The following TNNI3K variants were observed in gnomAD, a reference collection of about 807,000 sequenced individuals.
TNNI3K encodes the protein TNNI3 interacting kinase.
In TNNI3K, 140 loss-of-function variants were observed where a neutral mutation model predicts 114.5. The observed-to-expected ratio is 1.22, with a 90% CI of 1.07 to 1.41. TNNI3K has a LOEUF of 1.41. Among genes scored for constraint, TNNI3K ranks in the 40% most tolerant of loss-of-function variants. The pLI is 0.00. For synonymous variants in TNNI3K, 347 were observed against 347.5 expected, an observed-to-expected ratio of 1.00 and a Z score of 0.02; for missense variants, 1,125 against 1,007.6, an observed-to-expected ratio of 1.12 and a Z score of -1.58.
At chr1:74,450,557 G>GA (rs947674572) in intron 20 of TNNI3K, among the ~76,000 whole-genome samples, 22 of 151,502 alleles carry the variant, frequency 1.5e-4, no homozygotes, top group Middle Eastern at 3.4e-3. Context: ...AAATTTACAT[G>GA]AAAAAAAACC....
chr1:74,497,284 C>T (rs947057878), intron 23 of TNNI3K, among the ~76,000 whole-genome samples: 1 of 152,108 alleles, frequency 6.6e-6, no homozygotes, highest in Admixed American at 6.6e-5. Context: ...TACCAGATAA[C>T]AGTGGCCATG....
At chr1:74,239,943 G>A (rs1272887621) in intron 2 of TNNI3K, 1 of 469,968 alleles carries the variant, frequency 2.1e-6, no homozygotes, top group East Asian at 7.0e-5. Context: ...CATAACTTTG[G>A]ACATTTGTTT....
chr1:74,451,703 C>CTTTTCTTTTCT (rs1188086184), intron 20 of TNNI3K, among the ~76,000 whole-genome samples: 4 of 30,188 alleles, frequency 1.3e-4, no homozygotes, highest in Non-Finnish European at 2.0e-4. Flanking sequence ...TTCTTTCTTT[C>CTTTTCTTTTCT]TTTCTTTCTT....
intron 5 of TNNI3K, among the ~76,000 whole-genome samples, chr1:74,298,034 CT>C (rs1337743867): frequency 6.6e-6 from 1 of 152,130 alleles, no homozygotes; most frequent in Non-Finnish European, 1.5e-5. Context: ...CTCCCAAAAT[CT>C]CATTCCATTA....
intron 4 of TNNI3K, among the ~76,000 whole-genome samples, chr1:74,258,674 C>T (rs1226469058): frequency 6.6e-6 from 1 of 152,068 alleles, no homozygotes; most frequent in African/African-American, 2.4e-5. Flanking sequence ...TCATCCATTG[C>T]CTATATAATG....
intron 17 of TNNI3K, among the ~76,000 whole-genome samples, chr1:74,381,976 G>T (rs1318982108): frequency 1.3e-5 from 2 of 152,204 alleles, no homozygotes; most frequent in African/African-American, 4.8e-5. Context: ...TTTTGCAGAG[G>T]ATGTGTATAG....
intron 22 of TNNI3K, among the ~76,000 whole-genome samples, chr1:74,491,206 G>A (rs1311093204): frequency 6.6e-6 from 1 of 152,122 alleles, no homozygotes; most frequent in East Asian, 1.9e-4. Context: ...ATTAGGGTGA[G>A]TCCAACAGGT....
At chr1:74,264,528 T>C (rs892666501) in intron 4 of TNNI3K, among the ~76,000 whole-genome samples, 5 of 152,118 alleles carry the variant, frequency 3.3e-5, no homozygotes, top group Admixed American at 6.6e-5. Context: ...ACTTTAACAA[T>C]TGCTATGCTG....
intron 4 of TNNI3K, among the ~76,000 whole-genome samples, chr1:74,254,714 G>C (rs1570377107): frequency 6.6e-6 from 1 of 152,282 alleles, no homozygotes; most frequent in Non-Finnish European, 1.5e-5. Context: ...GGCCTCAGGA[G>C]AGGGTTCTTG....
At chr1:74,317,459 A>T (rs933303001) in intron 5 of TNNI3K, among the ~76,000 whole-genome samples, 7 of 152,218 alleles carry the variant, frequency 4.6e-5, no homozygotes, top group Admixed American at 3.9e-4. Context: ...GCTGGGGTAC[A>T]GAGGGAGATT....
rs141734637 is a variant in TNNI3K at position 74,512,058 on chromosome 1, C to G, written c.2351+19792C>G. 2.5e-3 allele frequency among the ~76,000 whole-genome samples: 386 copies of G among 152,284 alleles called. 1 individual carries two copies. The highest frequency in any genetic ancestry group is 8.8e-3 in the African/African-American group (365 of 41,546). On this transcript the variant is annotated intron_variant, in intron 23 of 24. Coordinates refer to ENST00000326637, the MANE Select transcript of TNNI3K (RefSeq NM_015978.3). ...GCAGCTTCCCTTCCAGTCACTGAGA[C>G]CTCAGACTCTTCTCTTCATTCAGGC...
At chr1:74,279,340 T>C (rs1199908878) in intron 5 of TNNI3K, among the ~76,000 whole-genome samples, 1 of 152,210 alleles carries the variant, frequency 6.6e-6, no homozygotes, top group African/African-American at 2.4e-5. Flanking sequence ...TAGCTTTTTG[T>C]AGTTAAAATT....
chr1:74,464,641 TCCA>T, intron 21 of TNNI3K: 1 of 1,586,434 alleles, frequency 6.3e-7, no homozygotes, highest in South Asian at 1.2e-5. Context: ...AAAGGCAAAA[TCCA>T]GACCAAGTCA....
At chr1:74,462,574 TAACAAC>T (rs950898959) in intron 20 of TNNI3K, among the ~76,000 whole-genome samples, 7 of 152,194 alleles carry the variant, frequency 4.6e-5, no homozygotes, top group Non-Finnish European at 8.8e-5. Context: ...GCTCCACACA[TAACAAC>T]AACAACAACA....
rs200314135 is a variant in TNNI3K, at chr1:74,489,160, G to T, written c.2122-29G>T. ...AGAGTCTCCTTCCTTTTATTCTTAA[G>T]GGAAAAAAGTTCTTTTTTCTATTTA... On this transcript the variant is annotated intron_variant, in intron 21 of 24. Transcript: ENST00000326637. 60 of 1,591,920 alleles carry T rather than the reference G, an allele frequency of 3.8e-5. No individual in the cohort carries two copies. The African/African-American group carries it at 6.2e-4, about 16-fold the overall frequency.
chr1:74,250,907 C>A (rs1224291785), intron 4 of TNNI3K, 138 bp downstream of exon 4: 1 of 645,850 alleles, frequency 1.5e-6, no homozygotes, highest in South Asian at 2.9e-5. Context: ...TAAAGGACTT[C>A]TTTCTCTTTA....
At chr1:74,370,993 G>C (rs1570536104) in intron 17 of TNNI3K, 1 of 151,902 alleles carries the variant, frequency 6.6e-6, no homozygotes, top group Non-Finnish European at 1.5e-5. Context: ...TGAAGGTAAA[G>C]TGGGGAGGAG....
At chr1:74,240,550 A>G (rs1654125666) in intron 2 of TNNI3K, 1 of 152,190 alleles carries the variant, frequency 6.6e-6, no homozygotes, top group Admixed American at 6.5e-5. Flanking sequence ...AATCTTGGTT[A>G]TGAATATTAT....
At chr1:74,329,999 G>A (rs796965904) in intron 5 of TNNI3K, among the ~76,000 whole-genome samples, 1 of 152,018 alleles carries the variant, frequency 6.6e-6, no homozygotes, top group African/African-American at 2.4e-5. Flanking sequence ...TGTAATATTT[G>A]ACCAACTGAA....
Sources: gnomAD v4.1 joint callset for allele counts (sites outside exome capture counted in the v4.1 genomes callset) on GRCh38, gnomAD v4.1.1 for gene constraint, MANE v1.5 for transcripts, NCBI Gene and HGNC (gene_info 2026-07-23, HGNC 2026-07-21) for gene names.